Variants in DIAPH3 observed in about 807,000 individuals in gnomAD.
DIAPH3 encodes diaphanous related formin 3.
Under a neutral mutation model 144.3 loss-of-function variants are expected in DIAPH3, and 117 were observed. That is an observed-to-expected ratio of 0.81 (90% CI 0.70 to 0.95). DIAPH3 has a LOEUF of 0.95. Ranked by LOEUF, DIAPH3 falls within the 40% of genes least tolerant of loss-of-function variation. The pLI, the probability that DIAPH3 is intolerant of heterozygous loss-of-function variation, is 0.00. For missense variants in DIAPH3, 1,421 were observed against 1,412.7 expected (o/e 1.01, Z -0.09); for synonymous variants, 519 against 488.9 (o/e 1.06, Z -0.81).
chr13:60,076,800 T>G (rs2057396913), intron 4 of DIAPH3, among the ~76,000 whole-genome samples: 1 of 152,152 alleles, frequency 6.6e-6, no homozygotes, highest in Admixed American at 6.5e-5. Flanking sequence ...CCACTAATCT[T>G]AAATAAGCAT....
At chr13:60,136,441 C>T (rs1445861266) in intron 1 of DIAPH3, among the ~76,000 whole-genome samples, 1 of 146,374 alleles carries the variant, frequency 6.8e-6, no homozygotes, top group Non-Finnish European at 1.5e-5. Flanking sequence ...AAAATAATAA[C>T]CTGATAGCAA....
chr13:59,907,031 AG>A (rs2046777340), intron 20 of DIAPH3, among the ~76,000 whole-genome samples: 1 of 152,250 alleles, frequency 6.6e-6, no homozygotes, highest in Non-Finnish European at 1.5e-5. Context: ...TATTTTGGAA[AG>A]ATGGACGAGA....
At chr13:59,825,117 A>C (rs2041313160) in intron 24 of DIAPH3, among the ~76,000 whole-genome samples, 1 of 152,016 alleles carries the variant, frequency 6.6e-6, no homozygotes, top group Non-Finnish European at 1.5e-5. Context: ...TACATGTGCC[A>C]TGCTGGTGTG....
intron 17 of DIAPH3, among the ~76,000 whole-genome samples, chr13:59,933,645 G>T (rs1009058664): frequency 1.3e-5 from 2 of 152,152 alleles, no homozygotes; most frequent in Non-Finnish European, 2.9e-5. Flanking sequence ...TAGAGATGCT[G>T]TGTAAGGCTC....
intron 18 of DIAPH3, among the ~76,000 whole-genome samples, chr13:59,917,667 G>A (rs992367516): frequency 2.4e-4 from 37 of 151,880 alleles, no homozygotes; most frequent in Non-Finnish European, 4.6e-4. Flanking sequence ...GAGGCAGGCG[G>A]ATCACGAGGT....
At chr13:59,736,346 G>C (rs1168416219) in intron 27 of DIAPH3, among the ~76,000 whole-genome samples, 4 of 152,078 alleles carry the variant, frequency 2.6e-5, no homozygotes, top group Non-Finnish European at 5.9e-5. Context: ...TCTGTTTTTA[G>C]GTCTTTGAGG....
At chr13:59,727,898 G>T (rs996184323) in intron 27 of DIAPH3, among the ~76,000 whole-genome samples, 12 of 151,876 alleles carry the variant, frequency 7.9e-5, no homozygotes, top group Non-Finnish European at 1.8e-4. Flanking sequence ...AGGTGAGTGT[G>T]GACAGTAATT....
chr13:59,879,328 A>G lies in DIAPH3; in HGVS notation c.2508T>C (p.Phe836=). 2 of 1,613,848 alleles carry G rather than the reference A, an allele frequency of 1.2e-6. No homozygotes were observed. Among genetic ancestry groups the G allele is most frequent in the Non-Finnish European group, 1.7e-6 (2 of 1,179,840 alleles). Reference sequence around the variant, plus strand: ...GCAATACAAGTTCCAGCAACTTGCTAAAGCTTTTGCTCTTCTTTATCTCTT... The same window carrying G: ...GCAATACAAGTTCCAGCAACTTGCTGAAGCTTTTGCTCTTCTTTATCTCTT... ...ACEEIKKSKS[F]SKLLELVLLM... The change falls in exon 21 of 28, where the codon TTT becomes TTC. Residue 836 remains phenylalanine, a synonymous_variant. Coordinates refer to ENST00000400324, the MANE Select transcript of DIAPH3 (RefSeq NM_001042517.2).
At chr13:60,055,920 GT>G (rs1397831647) in intron 4 of DIAPH3, among the ~76,000 whole-genome samples, 2 of 151,670 alleles carry the variant, frequency 1.3e-5, no homozygotes, top group Non-Finnish European at 3.0e-5. Flanking sequence ...TTTTTGTAAA[GT>G]TCTGACTTTT....
chr13:59,888,474 T>C (rs1036314524), intron 20 of DIAPH3, among the ~76,000 whole-genome samples: 14 of 152,152 alleles, frequency 9.2e-5, no homozygotes, highest in Non-Finnish European at 1.9e-4. Flanking sequence ...TTCTGCTTTG[T>C]GTTAGTCAAG....
chr13:60,125,519 A>G lies in DIAPH3; in HGVS notation c.213+7438T>C, dbSNP rs142099714. ...GCCTCCCAAACAAAGTGCCGTGATT[A>G]CAGACATGAGCCACTACACTCAGCC... On this transcript the variant is annotated intron_variant, in intron 2 of 27. Transcript: ENST00000400324. Among the ~76,000 whole-genome samples, 261 of 150,374 alleles carry G rather than the reference A, an allele frequency of 1.7e-3. 2 individuals are homozygous for G. The highest frequency in any genetic ancestry group is 5.6e-4 in the Non-Finnish European group (38 of 67,810).
At chr13:59,977,194 A>T (rs1959190354) in intron 14 of DIAPH3, among the ~76,000 whole-genome samples, 1 of 151,838 alleles carries the variant, frequency 6.6e-6, no homozygotes, top group South Asian at 2.1e-4. Flanking sequence ...GCAAACTAAC[A>T]ACCCTAAATC....
At chr13:60,057,370 A>G (rs1002492412) in intron 4 of DIAPH3, among the ~76,000 whole-genome samples, 6 of 151,908 alleles carry the variant, frequency 3.9e-5, no homozygotes, top group Non-Finnish European at 5.9e-5. Context: ...CAGGGAGAAC[A>G]AGAAAACACT....
At chr13:59,890,491 T>C (rs956035084) in intron 20 of DIAPH3, among the ~76,000 whole-genome samples, 17 of 151,894 alleles carry the variant, frequency 1.1e-4, no homozygotes, top group African/African-American at 4.1e-4. Flanking sequence ...TTATATATGT[T>C]TTGTTATATG....
At chr13:60,161,182 C>T (rs1952272556) in intron 1 of DIAPH3, among the ~76,000 whole-genome samples, 1 of 152,190 alleles carries the variant, frequency 6.6e-6, no homozygotes, top group South Asian at 2.1e-4. Flanking sequence ...TCAAAAACAG[C>T]TGCCCCAGGC....
At chr13:59,999,132 G>C (rs575781771) in intron 9 of DIAPH3, among the ~76,000 whole-genome samples, 2 of 152,066 alleles carry the variant, frequency 1.3e-5, no homozygotes, top group African/African-American at 4.8e-5. Flanking sequence ...AAATATACTT[G>C]GCTAAATCCA....
At chr13:59,799,688 A>G (rs2039804102) in intron 25 of DIAPH3, among the ~76,000 whole-genome samples, 1 of 152,228 alleles carries the variant, frequency 6.6e-6, no homozygotes, top group Non-Finnish European at 1.5e-5. Context: ...CACAAATGTG[A>G]ATTCCATAAA....
At chr13:59,885,823 G>A (rs1391094392) in intron 20 of DIAPH3, among the ~76,000 whole-genome samples, 1 of 152,044 alleles carries the variant, frequency 6.6e-6, no homozygotes, top group Non-Finnish European at 1.5e-5. Context: ...GATTAATGAA[G>A]CTAGCAGAGT....
chr13:59,803,188 C>T (rs2040027938), intron 25 of DIAPH3, among the ~76,000 whole-genome samples: 1 of 152,084 alleles, frequency 6.6e-6, no homozygotes, highest in South Asian at 2.1e-4. Flanking sequence ...ACAGAGTTTT[C>T]CACATTGTGA....
Sources: allele counts gnomAD v4.1 joint callset (sites outside exome capture counted in the v4.1 genomes callset), GRCh38; gene constraint gnomAD v4.1.1; transcripts MANE v1.5; gene names NCBI Gene and HGNC (gene_info 2026-07-23, HGNC 2026-07-21).